Variants in RIMS2 observed in about 807,000 individuals in gnomAD.
The protein encoded by RIMS2 is regulating synaptic membrane exocytosis protein 2.
RIMS2 carries 59 observed loss-of-function variants against 174.4 expected under a neutral mutation model. The ratio of observed to expected loss-of-function variants is 0.34; its 90% CI spans 0.27 to 0.42. The LOEUF (loss-of-function observed/expected upper bound fraction) is 0.42, where lower values mean the gene tolerates loss of function less well. Among genes scored for constraint, RIMS2 ranks in the 10% least tolerant of loss-of-function variants. The pLI, the probability that RIMS2 is intolerant of heterozygous loss-of-function variation, is 1.00. For synonymous variants in RIMS2, 606 were observed against 572.5 expected (o/e 1.06, Z -0.84); for missense variants, 1,620 against 1,666.3 (o/e 0.97, Z 0.48).
intron 1 of RIMS2, among the ~76,000 whole-genome samples, chr8:103,546,844 G>C (rs1434031306): frequency 6.6e-6 from 1 of 152,134 alleles, no homozygotes; most frequent in Non-Finnish European, 1.5e-5. Context: ...TCCAATCCCT[G>C]CTGCTTTCTG....
chr8:104,025,112 CT>C (rs1231587514), intron 19 of RIMS2, among the ~76,000 whole-genome samples: 2 of 152,096 alleles, frequency 1.3e-5, no homozygotes, highest in Admixed American at 6.6e-5. Context: ...TCTGTTCATT[CT>C]AAATTTTATT....
intron 1 of RIMS2, among the ~76,000 whole-genome samples, chr8:103,567,081 A>T (rs1358885764): frequency 1.3e-5 from 2 of 152,132 alleles, no homozygotes; most frequent in African/African-American, 4.8e-5. Context: ...AGAACCATAC[A>T]GTATGTTGTC....
At chr8:103,665,348 T>C (rs2096655617) in intron 1 of RIMS2, among the ~76,000 whole-genome samples, 1 of 152,196 alleles carries the variant, frequency 6.6e-6, no homozygotes, top group African/African-American at 2.4e-5. Context: ...TTTGAGATGT[T>C]CCTCCCTCAA....
At chr8:104,015,163 A>C (rs1293912322) in intron 19 of RIMS2, among the ~76,000 whole-genome samples, 1 of 152,156 alleles carries the variant, frequency 6.6e-6, no homozygotes, top group Non-Finnish European at 1.5e-5. Context: ...AACATCTATA[A>C]ATTCTTGGAT....
At chr8:104,026,133 T>A (rs377108611) in intron 19 of RIMS2, among the ~76,000 whole-genome samples, 9 of 152,300 alleles carry the variant, frequency 5.9e-5, no homozygotes, top group African/African-American at 2.2e-4. Context: ...TTTAATCAAA[T>A]GACTTGCATA....
At chr8:103,616,192 C>T (rs1419063806) in intron 1 of RIMS2, among the ~76,000 whole-genome samples, 1 of 152,128 alleles carries the variant, frequency 6.6e-6, no homozygotes, top group Non-Finnish European at 1.5e-5. Flanking sequence ...GCTTCATCCC[C>T]AGGATGCCAG....
intron 2 of RIMS2, among the ~76,000 whole-genome samples, chr8:103,702,470 G>T (rs1401167335): frequency 6.6e-6 from 1 of 151,818 alleles, no homozygotes; most frequent in East Asian, 1.9e-4. Context: ...TGCTTTTGTT[G>T]TCTGTTTTTG....
intron 19 of RIMS2, among the ~76,000 whole-genome samples, chr8:104,157,019 A>T (rs1298200337): frequency 6.6e-6 from 1 of 152,230 alleles, no homozygotes; most frequent in Non-Finnish European, 1.5e-5. Context: ...ATGTTAATGT[A>T]GGATTCTAAC....
intron 2 of RIMS2, among the ~76,000 whole-genome samples, chr8:103,707,381 C>A (rs1243788953): frequency 6.6e-6 from 1 of 152,118 alleles, no homozygotes; most frequent in East Asian, 1.9e-4. Flanking sequence ...TTATTCCAGT[C>A]TTTGTAGTCA....
chr8:104,223,594 C>G (rs1161308475), intron 19 of RIMS2: 1 of 1,506,532 alleles, frequency 6.6e-7, no homozygotes, highest in Non-Finnish European at 8.8e-7. Flanking sequence ...GACGCTGCGC[C>G]CCAGCCGCCA....
At chr8:103,876,336 G>A (rs1037299724) in intron 3 of RIMS2, among the ~76,000 whole-genome samples, 3 of 151,684 alleles carry the variant, frequency 2.0e-5, no homozygotes, top group African/African-American at 2.4e-5. Flanking sequence ...TCTAATTTTC[G>A]AAGCACCATT....
chr8:103,565,665 G>A (rs1269074653), intron 1 of RIMS2, among the ~76,000 whole-genome samples: 3 of 152,136 alleles, frequency 2.0e-5, no homozygotes, highest in Admixed American at 6.5e-5. Flanking sequence ...AGAATGAGAT[G>A]TAGAATTTTA....
intron 3 of RIMS2, among the ~76,000 whole-genome samples, chr8:103,782,843 T>C (rs2098404665): frequency 6.6e-6 from 1 of 152,218 alleles, no homozygotes; most frequent in Non-Finnish European, 1.5e-5. Context: ...GGTCTTTATT[T>C]ACATGGATTT....
intron 1 of RIMS2, among the ~76,000 whole-genome samples, chr8:103,551,458 TAAG>T (rs1486494046): frequency 6.6e-6 from 1 of 152,146 alleles, no homozygotes; most frequent in East Asian, 1.9e-4. Flanking sequence ...CTCAAAATAA[TAAG>T]AGCTATTTTT....
intron 19 of RIMS2, among the ~76,000 whole-genome samples, chr8:104,098,956 G>T (rs2130841837): frequency 6.6e-6 from 1 of 152,278 alleles, no homozygotes; most frequent in Admixed American, 6.5e-5. Context: ...CATCCTGACT[G>T]TTGTGTACAC....
At chr8:103,607,557 G>A (rs1486372436) in intron 1 of RIMS2, among the ~76,000 whole-genome samples, 1 of 148,074 alleles carries the variant, frequency 6.8e-6, no homozygotes, top group African/African-American at 2.6e-5. Context: ...TGCCTTGCTA[G>A]ATCGGGGAAA....
chr8:103,681,391 A>G (rs1181692197), intron 1 of RIMS2, among the ~76,000 whole-genome samples: 1 of 152,226 alleles, frequency 6.6e-6, no homozygotes, highest in East Asian at 1.9e-4. Context: ...ATATATGTAA[A>G]TGTACAAGAC....
chr8:103,761,662 T>A (rs1461771932), intron 2 of RIMS2, among the ~76,000 whole-genome samples: 1 of 152,236 alleles, frequency 6.6e-6, no homozygotes, highest in East Asian at 1.9e-4. Flanking sequence ...GAAAATGTAG[T>A]TTTCTAAGAG....
At chr8:103,610,053 C>T (rs2095312703) in intron 1 of RIMS2, among the ~76,000 whole-genome samples, 1 of 152,042 alleles carries the variant, frequency 6.6e-6, no homozygotes, top group African/African-American at 2.4e-5. Context: ...TCACTTCCTT[C>T]ATTAGCTGTA....
Sources: allele counts gnomAD v4.1 joint callset (sites outside exome capture counted in the v4.1 genomes callset), GRCh38; gene constraint gnomAD v4.1.1; transcripts MANE v1.5; gene names NCBI Gene and HGNC (gene_info 2026-07-23, HGNC 2026-07-21).